The following ADAM18 variants were observed in gnomAD, a reference collection of about 807,000 sequenced individuals.
ADAM18 encodes disintegrin and metalloproteinase domain-containing protein 18.
ADAM18 carries 117 observed loss-of-function variants against 94.4 expected under a neutral mutation model. The observed-to-expected ratio is 1.24, with a 90% CI of 1.07 to 1.45. ADAM18 has a LOEUF of 1.45. ADAM18 is among the 40% of genes most tolerant of loss of function. The pLI, the probability that ADAM18 is intolerant of heterozygous loss-of-function variation, is 0.00. For missense variants in ADAM18, 936 were observed against 880.0 expected (o/e 1.06, Z -0.81); for synonymous variants, 327 against 291.6 (o/e 1.12, Z -1.24).
intron 17 of ADAM18, among the ~76,000 whole-genome samples, chr8:39,704,550 C>CA (rs1822185461): frequency 6.6e-6 from 1 of 151,986 alleles, no homozygotes; most frequent in South Asian, 2.1e-4. Context: ...TTTATCTTGC[C>CA]ATGACTTGCC....
chr8:39,647,233 G>C (rs1397494912), intron 11 of ADAM18, among the ~76,000 whole-genome samples: 10 of 42,268 alleles, frequency 2.4e-4, no homozygotes, highest in Non-Finnish European at 6.3e-4. Flanking sequence ...GAGAAAGTCA[G>C]CAAAAAAAAA....
chr8:39,710,660 G>C (rs1323971296), intron 18 of ADAM18, among the ~76,000 whole-genome samples: 1 of 152,122 alleles, frequency 6.6e-6, no homozygotes, highest in Non-Finnish European at 1.5e-5. Flanking sequence ...AAGCCATTAG[G>C]TTTGCTGCTT....
intron 7 of ADAM18, among the ~76,000 whole-genome samples, chr8:39,631,002 A>G (rs1423502282): frequency 6.6e-6 from 1 of 151,898 alleles, no homozygotes; most frequent in Non-Finnish European, 1.5e-5. Context: ...TTTTCATACC[A>G]TTGTTTACTA....
At chr8:39,680,497 A>G (rs1176924560) in intron 16 of ADAM18, among the ~76,000 whole-genome samples, 1 of 152,218 alleles carries the variant, frequency 6.6e-6, no homozygotes, top group African/African-American at 2.4e-5. Context: ...GGTAGCTTTA[A>G]ATTGTAAAAT....
chr8:39,723,711 T>C (rs373276067), intron 18 of ADAM18, 37 bp from the exon 19 acceptor site: 31 of 1,356,796 alleles, frequency 2.3e-5, no homozygotes, highest in Non-Finnish European at 2.7e-5. Flanking sequence ...AAATATCCAC[T>C]GAGTCCCCAC....
intron 17 of ADAM18, among the ~76,000 whole-genome samples, chr8:39,696,018 G>A (rs1392188206): frequency 6.6e-6 from 1 of 151,204 alleles, no homozygotes; most frequent in Non-Finnish European, 1.5e-5. Flanking sequence ...CATCAACAAT[G>A]CAAGCACAGG....
At chr8:39,686,524 G>A (rs1479607976) in intron 16 of ADAM18, among the ~76,000 whole-genome samples, 1 of 152,096 alleles carries the variant, frequency 6.6e-6, no homozygotes, top group African/African-American at 2.4e-5. Flanking sequence ...GCCTTCTACG[G>A]GATCCACTTT....
Position 39,584,639 on chromosome 8 carries a change from C to T in ADAM18, c.17C>T (p.Ala6Val). MFLLLALLTELGRLQA... is the reference protein window; with the variant it reads MFLLLVLLTELGRLQA... ...GGCTGAGCCATGTTCCTTCTCCTCG[C>T]CCTCCTCACTGAGCTTGGAAGACTG... The change falls in exon 1 of 20, where the codon GCC becomes GTC. Residue 6 changes from alanine (A) to valine (V), a missense_variant. Ala to Val is a moderately conservative substitution (Grantham distance 64). Coordinates refer to ENST00000265707, the MANE Select transcript of ADAM18 (RefSeq NM_014237.3). 1 of 1,613,308 alleles carries T rather than the reference C, an allele frequency of 6.2e-7. No individual in the cohort carries two copies. The highest frequency in any genetic ancestry group is 8.5e-7 in the Non-Finnish European group (1 of 1,180,024).
chr8:39,658,242 G>T (rs1268230282), intron 12 of ADAM18, among the ~76,000 whole-genome samples: 1 of 152,120 alleles, frequency 6.6e-6, no homozygotes, highest in Non-Finnish European at 1.5e-5. Flanking sequence ...TCCTCTCAAA[G>T]TTGCCCCCAT....
At chr8:39,609,604 A>T (rs1476425952) in intron 5 of ADAM18, 43 bp downstream of exon 5, 3 of 1,424,626 alleles carry the variant, frequency 2.1e-6, no homozygotes, top group Non-Finnish European at 2.9e-6. Flanking sequence ...AGAACTTAAG[A>T]TAGTCTTTAA....
At chr8:39,641,355 T>C (rs2129579402) in intron 10 of ADAM18, among the ~76,000 whole-genome samples, 1 of 152,262 alleles carries the variant, frequency 6.6e-6, no homozygotes, top group African/African-American at 2.4e-5. Flanking sequence ...GGTTTGTGCG[T>C]CTGTTCTTGT....
At chr8:39,643,904 A>C (rs1388721692) in intron 10 of ADAM18, among the ~76,000 whole-genome samples, 1 of 151,768 alleles carries the variant, frequency 6.6e-6, no homozygotes, top group South Asian at 2.1e-4. Context: ...CATGATGGTC[A>C]GCCTAGATAT....
chr8:39,718,139 G>A (rs915105981), intron 18 of ADAM18, among the ~76,000 whole-genome samples: 12 of 151,468 alleles, frequency 7.9e-5, no homozygotes, highest in African/African-American at 2.9e-4. Context: ...TGGTGCAGCT[G>A]TTATGAAAAA....
At chr8:39,689,555 G>A (rs1328005248) in intron 16 of ADAM18, among the ~76,000 whole-genome samples, 1 of 152,126 alleles carries the variant, frequency 6.6e-6, no homozygotes, top group Admixed American at 6.6e-5. Context: ...TGGTCTCTGT[G>A]TCTGTTTTTG....
At chr8:39,618,040 C>T (rs544139378) in intron 6 of ADAM18, among the ~76,000 whole-genome samples, 8 of 152,314 alleles carry the variant, frequency 5.3e-5, no homozygotes, top group South Asian at 2.1e-4. Flanking sequence ...ACCTATTTGA[C>T]GCCTCCAAAG....
chr8:39,586,640 C>T (rs1818400777), intron 2 of ADAM18, among the ~76,000 whole-genome samples: 2 of 151,984 alleles, frequency 1.3e-5, no homozygotes, highest in Admixed American at 6.6e-5. Context: ...GGTGGGAGTA[C>T]CCCTTGAGCC....
chr8:39,645,420 A>T lies in ADAM18; in HGVS notation c.992A>T (p.Asp331Val). The T allele has an allele frequency of 6.2e-7, 1 of 1,612,596 alleles. No individual in the cohort carries two copies. Among genetic ancestry groups the T allele is most frequent in the Non-Finnish European group, 8.5e-7 (1 of 1,179,332 alleles). Residue 331 changes from aspartate (D) to valine (V), a missense_variant, in exon 11 of 20, where the codon GAC becomes GTC. Coordinates refer to ENST00000265707, the MANE Select transcript of ADAM18 (RefSeq NM_014237.3). ...LGLNVGLTYDDITQCFCLRAT... is the reference protein window; with the variant it reads ...LGLNVGLTYDVITQCFCLRAT... ...CTTAATGTAGGATTAACATATGATG[A>T]CATCACTCAGTGTTTCTGTCTGAGA...
At position 39,677,546 on chromosome 8, in the gene ADAM18, T is replaced by C. The variant is rs1393560297; in HGVS notation, c.1631+10T>C. The C allele has an allele frequency of 3.9e-6, 6 of 1,556,754 alleles. No individual in the cohort carries two copies. The highest frequency in any genetic ancestry group is 5.2e-6 in the Non-Finnish European group (6 of 1,148,010). On this transcript the variant is annotated intron_variant, in intron 15 of 19. Coordinates refer to ENST00000265707, the MANE Select transcript of ADAM18 (RefSeq NM_014237.3). ...TACCTTGTGAACGGAAGTACGTATG[T>C]AGAAAATGATTGCTTCTTTGAATCA... is the stretch of plus-strand genomic sequence containing the variant.
At chr8:39,686,477 A>G (rs1046238281) in intron 16 of ADAM18, among the ~76,000 whole-genome samples, 1 of 152,116 alleles carries the variant, frequency 6.6e-6, no homozygotes, top group Non-Finnish European at 1.5e-5. Flanking sequence ...TAAGGCGCTA[A>G]TCTCATTCAT....
Sources: gnomAD v4.1 joint callset for allele counts (sites outside exome capture counted in the v4.1 genomes callset) on GRCh38, gnomAD v4.1.1 for gene constraint, MANE v1.5 for transcripts, NCBI Gene and HGNC (gene_info 2026-07-23, HGNC 2026-07-21) for gene names.